Variants in KALRN observed in about 807,000 individuals in gnomAD.
The protein encoded by KALRN is kalirin.
Under a neutral mutation model 353.7 loss-of-function variants are expected in KALRN, and 70 were observed. The observed-to-expected ratio is 0.20, with a 90% CI of 0.16 to 0.24. The LOEUF (loss-of-function observed/expected upper bound fraction) is 0.24. Ranked by LOEUF, KALRN falls within the 10% of genes least tolerant of loss-of-function variation. The pLI is 1.00. For synonymous variants in KALRN, 1,391 were observed against 1,434.8 expected (o/e 0.97, Z 0.69); for missense variants, 2,791 against 3,756.7 (o/e 0.74, Z 6.72).
At chr3:124,570,153 C>T (rs1453087800) in intron 34 of KALRN, among the ~76,000 whole-genome samples, 1 of 152,168 alleles carries the variant, frequency 6.6e-6, no homozygotes, top group African/African-American at 2.4e-5. Context: ...GCATTAGGAG[C>T]CCTACCCTCA....
intron 34 of KALRN, among the ~76,000 whole-genome samples, chr3:124,631,540 CA>C (rs1197383195): frequency 6.6e-6 from 1 of 152,126 alleles, no homozygotes; most frequent in African/African-American, 2.4e-5. Context: ...AGTCTGTCAG[CA>C]ATTCATATTG....
At position 124,712,477 on chromosome 3, in the gene KALRN, G is replaced by A. The variant is rs2062936607; in HGVS notation, c.8076-458G>A. Among the ~76,000 whole-genome samples the A allele has an allele frequency of 2.0e-5, 3 of 151,986 alleles. No homozygotes were observed. In the South Asian group the frequency reaches 6.2e-4, roughly 32 times the overall value. ...ACTGCCATTGATGGTTAAAATGGCA[G>A]AGAAAAATGTTGGTTTAAAAAATTA... On this transcript the variant is annotated intron_variant, in intron 57 of 59. Coordinates refer to ENST00000682506, the MANE Select transcript of KALRN (RefSeq NM_001388419.1).
intron 1 of KALRN, among the ~76,000 whole-genome samples, chr3:124,106,444 G>A (rs1049158763): frequency 6.6e-6 from 1 of 152,064 alleles, no homozygotes; most frequent in African/African-American, 2.4e-5. Context: ...AAAACTGAGG[G>A]GACTGAGAGA....
At chr3:124,479,079 T>C (rs568879202) in intron 27 of KALRN, among the ~76,000 whole-genome samples, 1 of 152,354 alleles carries the variant, frequency 6.6e-6, no homozygotes, top group South Asian at 2.1e-4. Context: ...GTTACTCACA[T>C]CTCCCTCCAC....
rs2086556789 is a variant in KALRN at position 124,672,206 on chromosome 3, CCA to C, written c.6942+311_6942+312del. On this transcript the variant is annotated intron_variant, in intron 48 of 59. Transcript: ENST00000682506. Reference sequence around the variant, plus strand: ...CAGGCGATATGGCCACTTCAGCCTCCCACAGTGCTGGGATTACAGGTGTGAGC... The same window carrying C: ...CAGGCGATATGGCCACTTCAGCCTCCCAGTGCTGGGATTACAGGTGTGAGC... Among the ~76,000 whole-genome samples, 3 of 152,312 alleles carry C rather than the reference CCA, an allele frequency of 2.0e-5. No individual in the cohort carries two copies. The South Asian group carries it at 6.2e-4, about 32-fold the overall frequency.
At chr3:124,251,931 T>C (rs896037200) in intron 3 of KALRN, among the ~76,000 whole-genome samples, 4 of 152,184 alleles carry the variant, frequency 2.6e-5, no homozygotes, top group Non-Finnish European at 5.9e-5. Flanking sequence ...TTTTTGTTTT[T>C]GTTTTGTTTT....
intron 28 of KALRN, 48 bp downstream of exon 28, chr3:124,482,948 G>A (rs781074580): frequency 7.8e-7 from 1 of 1,283,906 alleles, no homozygotes; most frequent in African/African-American, 1.5e-5. Flanking sequence ...ACTGCCTGGG[G>A]CAAGGGAGTC....
At chr3:124,588,597 T>C (rs1046386467) in intron 34 of KALRN, among the ~76,000 whole-genome samples, 1 of 152,144 alleles carries the variant, frequency 6.6e-6, no homozygotes, top group Non-Finnish European at 1.5e-5. Flanking sequence ...GCTAATTTTT[T>C]GTATTTTCAG....
chr3:124,468,046 G>C (rs779190065), intron 25 of KALRN, among the ~76,000 whole-genome samples: 11 of 151,952 alleles, frequency 7.2e-5, no homozygotes, highest in East Asian at 3.9e-4. Context: ...GAGATCGAGG[G>C]AAAGAGATGG....
At chr3:124,569,187 A>G (rs1417342857) in intron 34 of KALRN, among the ~76,000 whole-genome samples, 1 of 152,100 alleles carries the variant, frequency 6.6e-6, no homozygotes, top group Non-Finnish European at 1.5e-5. Flanking sequence ...GAGCCTCAGA[A>G]GCAGATGCTC....
intron 57 of KALRN, among the ~76,000 whole-genome samples, chr3:124,707,640 G>A (rs113748293): frequency 1.3e-5 from 2 of 152,284 alleles, no homozygotes; most frequent in African/African-American, 2.4e-5. Flanking sequence ...GGAACCCTTT[G>A]AGCTGGAGAG....
chr3:124,540,724 A>C (rs1341199805), intron 33 of KALRN, among the ~76,000 whole-genome samples: 7 of 152,156 alleles, frequency 4.6e-5, no homozygotes. Context: ...TCTCTCTATC[A>C]TGGTGCTGTG....
chr3:124,098,236 T>C (rs186402250), intron 1 of KALRN, among the ~76,000 whole-genome samples: 172 of 152,268 alleles, frequency 1.1e-3, no homozygotes, highest in Non-Finnish European at 2.0e-3. Context: ...TTACAGATGT[T>C]TCTTGAGCTT....
chr3:124,661,871 C>T lies in KALRN; in HGVS notation c.6288C>T (p.Cys2096=), dbSNP rs2084919006. The change falls in exon 45 of 60, where the codon TGC becomes TGT. Residue 2096 remains cysteine (C), a synonymous_variant. Coordinates refer to ENST00000682506, the MANE Select transcript of KALRN (RefSeq NM_001388419.1). ...SDIEKAVELM[C]LVPKRCNDMM... ...CACAGAAAGCAGTGGAGTTAATGTG[C>T]CTTGTTCCCAAACGCTGCAATGACA... The T allele has an allele frequency of 6.2e-7, 1 of 1,614,064 alleles. No individual in the cohort carries two copies. The highest frequency in any genetic ancestry group is 1.1e-5 in the South Asian group (1 of 91,074).
chr3:124,210,174 T>G (rs1359736975), intron 1 of KALRN, among the ~76,000 whole-genome samples: 1 of 152,226 alleles, frequency 6.6e-6, no homozygotes, highest in Non-Finnish European at 1.5e-5. Flanking sequence ...TTCACAGGGT[T>G]GTTTTAGAGT....
intron 1 of KALRN, among the ~76,000 whole-genome samples, chr3:124,057,101 T>C (rs2041621291): frequency 6.6e-6 from 1 of 152,210 alleles, no homozygotes. Context: ...TGCCATTGAT[T>C]TATCCCTTAC....
intron 33 of KALRN, among the ~76,000 whole-genome samples, chr3:124,506,389 C>T (rs2065232828): frequency 6.6e-6 from 1 of 152,100 alleles, no homozygotes; most frequent in Admixed American, 6.5e-5. Context: ...ATCAGGCTGG[C>T]AGTTTGTTTT....
At chr3:124,605,622 A>T (rs2077267366) in intron 34 of KALRN, among the ~76,000 whole-genome samples, 1 of 96,322 alleles carries the variant, frequency 1.0e-5, no homozygotes, top group Non-Finnish European at 2.2e-5. Context: ...AGATAGTTTC[A>T]TCCCACTGTG....
intron 32 of KALRN, among the ~76,000 whole-genome samples, chr3:124,496,102 C>G (rs890723019): frequency 2.7e-5 from 4 of 147,924 alleles, no homozygotes; most frequent in Non-Finnish European, 6.0e-5. Context: ...TAGTTATCAA[C>G]ATAGTGATTA....
Sources: gnomAD v4.1 joint callset for allele counts (sites outside exome capture counted in the v4.1 genomes callset) on GRCh38, gnomAD v4.1.1 for gene constraint, MANE v1.5 for transcripts, NCBI Gene and HGNC (gene_info 2026-07-23, HGNC 2026-07-21) for gene names.